The following FCRL1 variants were observed in gnomAD, a reference collection of about 807,000 sequenced individuals.
FCRL1 encodes the protein Fc receptor-like protein 1.
Under a neutral mutation model 49.2 loss-of-function variants are expected in FCRL1, and 34 were observed. The observed-to-expected ratio is 0.69, with a 90% CI of 0.53 to 0.92. FCRL1 has a LOEUF of 0.92. Among genes scored for constraint, FCRL1 ranks in the 40% least tolerant of loss-of-function variants. The pLI is 0.00. For missense variants in FCRL1, 524 were observed against 524.1 expected (o/e 1.00, Z 0.00); for synonymous variants, 218 against 201.6 (o/e 1.08, Z -0.69).
intron 1 of FCRL1, among the ~76,000 whole-genome samples, chr1:157,811,802 C>T (rs1053558453): frequency 2.0e-5 from 3 of 152,194 alleles, no homozygotes; most frequent in African/African-American, 7.2e-5. Flanking sequence ...AGCTTCCCTG[C>T]TTCCTAATCC....
At chr1:157,799,099 C>T (rs1052076673) in intron 7 of FCRL1, among the ~76,000 whole-genome samples, 1 of 152,178 alleles carries the variant, frequency 6.6e-6, no homozygotes, top group Non-Finnish European at 1.5e-5. Flanking sequence ...CTCTCGAACT[C>T]AAGGGATTCT....
At chr1:157,817,504 C>T (rs1291797872) in intron 1 of FCRL1, among the ~76,000 whole-genome samples, 1 of 152,064 alleles carries the variant, frequency 6.6e-6, no homozygotes, top group Non-Finnish European at 1.5e-5. Context: ...ATTCTTATCT[C>T]TCACCATAGA....
intron 7 of FCRL1, among the ~76,000 whole-genome samples, 179 bp downstream of exon 7, chr1:157,799,879 G>A (rs1056132524): frequency 1.3e-5 from 2 of 152,058 alleles, no homozygotes; most frequent in Non-Finnish European, 2.9e-5. Context: ...ATTAATGTAC[G>A]AAATCTAAAA....
Position 157,796,149 on chromosome 1 carries a change from T to G in FCRL1, c.1240A>C (p.Arg414=). Residue 414 remains arginine (R), a synonymous_variant, in exon 11 of 11, where the codon AGG becomes CGG. Transcript: ENST00000368176. ...TCTGTAATGTTTGCTTTCCTCAGCC[T>G]GGAATAGATGTCTAAGGAAACCTGG... ...EDKVSLDIYS[R]LRKANITDVD... 6.2e-7 allele frequency: 1 copy of G among 1,613,976 alleles called. No individual in the cohort carries two copies. The highest frequency in any genetic ancestry group is 8.5e-7 in the Non-Finnish European group (1 of 1,179,890).
At chr1:157,804,755 T>G (rs6686935) in intron 2 of FCRL1, among the ~76,000 whole-genome samples, 11,676 of 152,242 alleles carry the variant, frequency 0.077, 1,472 homozygotes, top group African/African-American at 0.26. Flanking sequence ...CACAGCTTCT[T>G]TACAAACCTC....
chr1:157,814,680 T>C (rs967546470), intron 1 of FCRL1, among the ~76,000 whole-genome samples: 1 of 151,966 alleles, frequency 6.6e-6, no homozygotes, highest in Non-Finnish European at 1.5e-5. Flanking sequence ...AGTGGCTGAA[T>C]GGATTTTAAA....
chr1:157,808,940 C>A (rs1279399575), intron 1 of FCRL1, among the ~76,000 whole-genome samples: 1 of 152,078 alleles, frequency 6.6e-6, no homozygotes, highest in Non-Finnish European at 1.5e-5. Flanking sequence ...GTGACATTTC[C>A]TGAATTGGAG....
At chr1:157,796,955 GT>G (rs1651586476) in intron 10 of FCRL1, 145 bp downstream of exon 10, 1 of 700,082 alleles carries the variant, frequency 1.4e-6, no homozygotes, top group African/African-American at 1.8e-5. Context: ...GTAACTATGT[GT>G]TTTTACCTCC....
At chr1:157,819,352 G>A (rs1040367795) in intron 1 of FCRL1, among the ~76,000 whole-genome samples, 2 of 152,112 alleles carry the variant, frequency 1.3e-5, no homozygotes, top group African/African-American at 2.4e-5. Context: ...GCAGAAGGGC[G>A]TGTAAACCAG....
rs148618017 is a variant in FCRL1 at position 157,801,578 on chromosome 1, C to T, written c.887-1G>A. The T allele has an allele frequency of 4.2e-5, 67 of 1,602,962 alleles. No individual in the cohort carries two copies. In the East Asian group the frequency reaches 1.5e-3, roughly 35 times the overall value. The stretch of plus-strand genomic sequence containing the variant: ...TGATTGCTTCTGGCCCCAGTAGGCA[C>T]TAGAGGGAGAGACCTGTGCATGATC... On this transcript the variant is annotated splice_acceptor_variant, in intron 5 of 10. Coordinates refer to ENST00000368176, the MANE Select transcript of FCRL1 (RefSeq NM_052938.5). LOFTEE classifies it high-confidence loss of function.
At chr1:157,805,073 C>A (rs1653203917) in intron 2 of FCRL1, among the ~76,000 whole-genome samples, 2 of 152,116 alleles carry the variant, frequency 1.3e-5, no homozygotes, top group South Asian at 2.1e-4. Context: ...GTTGCTCAGG[C>A]TAGTCTTGAA....
rs151236323 is a variant in FCRL1 at position 157,802,069 on chromosome 1, G to A, written c.732C>T (p.His244=). The A allele has an allele frequency of 3.0e-5, 49 of 1,614,074 alleles. No homozygotes were observed. The highest frequency in any genetic ancestry group is 6.7e-5 in the East Asian group (3 of 44,896). The change falls in exon 5 of 11, where the codon CAC becomes CAT. Residue 244 remains histidine (H), a synonymous_variant. Transcript: ENST00000368176. ...ACCTGCTCCCCAGGGTGATATCCTC[G>A]TGATAAAACCAGTACAGGATCGGAG... ...GSPPILYWFY[H]EDITLGSRSA...
intron 1 of FCRL1, among the ~76,000 whole-genome samples, chr1:157,812,355 C>T (rs10443904): frequency 0.2 from 31,084 of 152,068 alleles, 3,404 homozygotes; most frequent in Non-Finnish European, 0.24. Context: ...CAGGGTCTTT[C>T]CGGTCACTAC....
chr1:157,796,290 G>A, intron 10 of FCRL1, 120 bp from the exon 11 acceptor site: 2 of 793,882 alleles, frequency 2.5e-6, no homozygotes, highest in East Asian at 5.2e-5. Context: ...CAAAAATAAG[G>A]GCCTCTTGGA....
At chr1:157,812,325 A>G (rs1260662209) in intron 1 of FCRL1, among the ~76,000 whole-genome samples, 1 of 152,098 alleles carries the variant, frequency 6.6e-6, no homozygotes, top group East Asian at 1.9e-4. Flanking sequence ...CAAAGCCACA[A>G]CTGCATCCTA....
chr1:157,818,678 T>C (rs1655385583), intron 1 of FCRL1, among the ~76,000 whole-genome samples: 1 of 152,124 alleles, frequency 6.6e-6, no homozygotes, highest in Non-Finnish European at 1.5e-5. Flanking sequence ...AAATTGGGGA[T>C]GCCTGCTAGT....
At chr1:157,798,889 T>A (rs1020378571) in intron 7 of FCRL1, among the ~76,000 whole-genome samples, 27 of 152,050 alleles carry the variant, frequency 1.8e-4, no homozygotes, top group African/African-American at 5.3e-4. Flanking sequence ...CTCTCAAGAG[T>A]TTTTTATATT....
chr1:157,811,375 G>A lies in FCRL1; in HGVS notation c.32-4253C>T, dbSNP rs147684010. ...AGAAGGGAATGGAACCCTGCAACCT[G>A]CCTCTGCAACTCTGTCTCCTCAGTC... is the stretch of plus-strand genomic sequence containing the variant. On this transcript the variant is annotated intron_variant, in intron 1 of 10. Transcript: ENST00000368176. Among the ~76,000 whole-genome samples the A allele has an allele frequency of 7.6e-4, 116 of 152,302 alleles. 2 individuals are homozygous for A. The Middle Eastern group carries it at 0.014, about 18-fold the overall frequency.
intron 8 of FCRL1, 103 bp from the exon 9 acceptor site, chr1:157,798,042 T>C: frequency 9.9e-6 from 15 of 1,510,092 alleles, no homozygotes; most frequent in Non-Finnish European, 1.2e-5. Flanking sequence ...AGATGAGTCA[T>C]TTGTTTGTAG....
Sources: allele counts gnomAD v4.1 joint callset (sites outside exome capture counted in the v4.1 genomes callset), GRCh38; gene constraint gnomAD v4.1.1; transcripts MANE v1.5; gene names NCBI Gene and HGNC (gene_info 2026-07-23, HGNC 2026-07-21).